The following TRPC6 variants were observed in gnomAD, a reference collection of about 807,000 sequenced individuals.
The protein encoded by TRPC6 is short transient receptor potential channel 6.
In TRPC6, 55 loss-of-function variants were observed where a neutral mutation model predicts 90.7. That is an observed-to-expected ratio of 0.61 (90% confidence interval 0.49 to 0.76). The LOEUF (loss-of-function observed/expected upper bound fraction) is 0.76. Among genes scored for constraint, TRPC6 ranks in the 30% least tolerant of loss-of-function variants. The pLI, the probability that TRPC6 is intolerant of heterozygous loss-of-function variation, is 0.00. For synonymous variants in TRPC6, 393 were observed against 393.0 expected (o/e 1.00, Z 0.00); for missense variants, 989 against 1,122.7 (o/e 0.88, Z 1.70).
intron 10 of TRPC6, among the ~76,000 whole-genome samples, chr11:101,461,777 G>T (rs892522071): frequency 2.0e-5 from 3 of 152,022 alleles, no homozygotes; most frequent in African/African-American, 7.3e-5. Context: ...TAAGACATGG[G>T]CTCTATCTTC....
At chr11:101,546,711 G>A (rs1243072127) in intron 1 of TRPC6, among the ~76,000 whole-genome samples, 1 of 152,186 alleles carries the variant, frequency 6.6e-6, no homozygotes, top group African/African-American at 2.4e-5. Flanking sequence ...TTCAAAAAAA[G>A]TGAAGTGCAG....
At chr11:101,545,307 T>C (rs575205749) in intron 1 of TRPC6, among the ~76,000 whole-genome samples, 3 of 152,148 alleles carry the variant, frequency 2.0e-5, no homozygotes, top group Admixed American at 6.6e-5. Flanking sequence ...GTAAGTAATA[T>C]AGAGATTATT....
At chr11:101,460,128 A>T (rs1858972352) in intron 10 of TRPC6, among the ~76,000 whole-genome samples, 1 of 152,176 alleles carries the variant, frequency 6.6e-6, no homozygotes, top group Admixed American at 6.5e-5. Flanking sequence ...AGTGAATATA[A>T]AATATTGATC....
At chr11:101,558,793 G>A (rs998534337) in intron 1 of TRPC6, among the ~76,000 whole-genome samples, 7 of 152,098 alleles carry the variant, frequency 4.6e-5, no homozygotes, top group Non-Finnish European at 1.0e-4. Flanking sequence ...TCGATAAATG[G>A]TGTTCAGAAA....
chr11:101,583,415 T>G lies in TRPC6; in HGVS notation c.89A>C (p.Asp30Ala). The stretch of plus-strand genomic sequence containing the variant: ...CAGCTCCGAGTCCATGAGCAGATAG[T>G]CCTGGCTCTCGTTGCGCCGCGCAGC... ...GAAARRNESQ[D>A]YLLMDSELGE... Residue 30 changes from aspartate to alanine, a missense_variant, in exon 1 of 13, where the codon GAC becomes GCC. Transcript: ENST00000344327. 1 of 1,574,486 alleles carries G rather than the reference T, an allele frequency of 6.4e-7. No homozygotes were observed. Among genetic ancestry groups the G allele is most frequent in the Non-Finnish European group, 8.6e-7 (1 of 1,159,870 alleles).
At chr11:101,503,652 C>A (rs1479032494) in intron 2 of TRPC6, among the ~76,000 whole-genome samples, 3 of 152,128 alleles carry the variant, frequency 2.0e-5, no homozygotes, top group Non-Finnish European at 4.4e-5. Flanking sequence ...AAAGCCTGGG[C>A]TTTTCAGAGT....
intron 2 of TRPC6, among the ~76,000 whole-genome samples, chr11:101,492,684 C>T (rs1251012973): frequency 1.3e-5 from 2 of 151,718 alleles, no homozygotes; most frequent in Admixed American, 6.6e-5. Context: ...ATATCATCTC[C>T]TTCATGGGCA....
chr11:101,570,816 GC>G (rs1318864002), intron 1 of TRPC6, among the ~76,000 whole-genome samples: 5 of 152,106 alleles, frequency 3.3e-5, no homozygotes, highest in African/African-American at 1.2e-4. Flanking sequence ...TTGACAAAAT[GC>G]AACAGCCCTT....
rs1174935182 is a variant in TRPC6, at chr11:101,452,921, CAAAT to C, written c.*30_*33del. 3.1e-6 allele frequency: 5 copies of C among 1,612,188 alleles called. No individual in the cohort carries two copies. The African/African-American group carries it at 6.7e-5, about 22-fold the overall frequency. On this transcript the variant is annotated 3_prime_UTR_variant, in exon 13 of 13. Transcript: ENST00000344327. ...AGAAAATAATATGGCTTCAAGTGGACAAATAAATATGAATTTCTAAGGAAGTCTT... is the reference window on the plus strand; with the variant it reads ...AGAAAATAATATGGCTTCAAGTGGACAAATATGAATTTCTAAGGAAGTCTT...
At chr11:101,581,779 G>A (rs898542892) in intron 1 of TRPC6, among the ~76,000 whole-genome samples, 8 of 152,128 alleles carry the variant, frequency 5.3e-5, no homozygotes, top group Non-Finnish European at 1.2e-4. Flanking sequence ...GTGGTCCACG[G>A]ACTAGCAACC....
chr11:101,541,519 G>A (rs1236489385), intron 1 of TRPC6, among the ~76,000 whole-genome samples: 1 of 89,822 alleles, frequency 1.1e-5, no homozygotes, highest in Non-Finnish European at 2.7e-5. Context: ...CTGCCACCAC[G>A]CCCGGGTAAT....
At chr11:101,466,366 C>G (rs1050986830) in intron 10 of TRPC6, among the ~76,000 whole-genome samples, 3 of 152,246 alleles carry the variant, frequency 2.0e-5, no homozygotes, top group Non-Finnish European at 4.4e-5. Flanking sequence ...CTGTAAGTCC[C>G]TGACTGGGGC....
chr11:101,537,348 T>C (rs1861073818), intron 1 of TRPC6, among the ~76,000 whole-genome samples: 1 of 152,232 alleles, frequency 6.6e-6, no homozygotes, highest in African/African-American at 2.4e-5. Flanking sequence ...GTTACACTAA[T>C]GCTACTGTTG....
intron 1 of TRPC6, among the ~76,000 whole-genome samples, chr11:101,516,978 C>T (rs1860537568): frequency 6.6e-6 from 1 of 152,224 alleles, no homozygotes; most frequent in South Asian, 2.1e-4. Context: ...CCCTTTTGCC[C>T]ACATTTTTTT....
intron 1 of TRPC6, among the ~76,000 whole-genome samples, chr11:101,507,534 C>T (rs1372479004): frequency 6.6e-6 from 1 of 152,070 alleles, no homozygotes. Context: ...CTTCCAACAG[C>T]TGTCTAATAA....
At chr11:101,492,747 T>C (rs545438941) in intron 2 of TRPC6, among the ~76,000 whole-genome samples, 25 of 152,334 alleles carry the variant, frequency 1.6e-4, no homozygotes, top group African/African-American at 6.0e-4. Context: ...TTGGAAGACC[T>C]TGTAAACTGT....
chr11:101,557,838 T>C (rs938900099), intron 1 of TRPC6, among the ~76,000 whole-genome samples: 1 of 152,122 alleles, frequency 6.6e-6, no homozygotes, highest in Admixed American at 6.6e-5. Context: ...CAAGGAAAAC[T>C]ATAAAATGTT....
At position 101,472,192 on chromosome 11, in the gene TRPC6, A is replaced by G; in HGVS notation, c.2150T>C (p.Ile717Thr). 1 of 1,612,642 alleles carries G rather than the reference A, an allele frequency of 6.2e-7. No individual in the cohort carries two copies. Among genetic ancestry groups the G allele is most frequent in the Non-Finnish European group, 8.5e-7 (1 of 1,179,440 alleles). ...LYGVYNVTMV[I>T]VLLNMLIAMI... ...GGCAATTAACATATTTAGCAAAACA[A>G]TGACCATCGTAACATTATAGACTCC... The change falls in exon 8 of 13, where the codon ATT becomes ACT. Residue 717 changes from isoleucine (I) to threonine (T), a missense_variant. This residue lies in a region of TRPC6 where 118 missense variants were observed against 197.6 expected (regional missense o/e 0.60). Transcript: ENST00000344327.
intron 1 of TRPC6, among the ~76,000 whole-genome samples, chr11:101,539,703 T>C (rs1319443888): frequency 1.3e-5 from 2 of 152,200 alleles, no homozygotes; most frequent in Admixed American, 6.5e-5. Context: ...TTTAGAAAAA[T>C]TGCTCATAAA....
Sources: allele counts gnomAD v4.1 joint callset (sites outside exome capture counted in the v4.1 genomes callset), GRCh38; gene constraint gnomAD v4.1.1; regional missense constraint gnomAD v4.1.1; transcripts MANE v1.5; gene names NCBI Gene and HGNC (gene_info 2026-07-23, HGNC 2026-07-21).